Variants in WDPCP observed in about 807,000 individuals in gnomAD.
The protein encoded by WDPCP is WD repeat-containing and planar cell polarity effector protein fritz homolog.
In WDPCP, 71 loss-of-function variants were observed where a neutral mutation model predicts 93.1. The ratio of observed to expected loss-of-function variants is 0.76; its 90% CI spans 0.63 to 0.93. The LOEUF (loss-of-function observed/expected upper bound fraction) is 0.93, where lower values mean the gene tolerates loss of function less well. Among genes scored for constraint, WDPCP ranks in the 40% least tolerant of loss-of-function variants. The pLI, the probability that WDPCP is intolerant of heterozygous loss-of-function variation, is 0.00. For synonymous variants in WDPCP, 315 were observed against 315.0 expected (o/e 1.00, Z 0.00); for missense variants, 844 against 887.4 (o/e 0.95, Z 0.62).
At chr2:63,252,833 T>A (rs1450607806) in intron 14 of WDPCP, among the ~76,000 whole-genome samples, 1 of 152,228 alleles carries the variant, frequency 6.6e-6, no homozygotes, top group Non-Finnish European at 1.5e-5. Flanking sequence ...ATGTCCATAC[T>A]GCCCAAAGCA....
intron 2 of WDPCP, among the ~76,000 whole-genome samples, chr2:63,703,166 G>C (rs938073789): frequency 5.3e-5 from 8 of 152,086 alleles, no homozygotes; most frequent in African/African-American, 1.7e-4. Context: ...ATTGTGAATA[G>C]TGCTGCAATA....
At chr2:63,194,233 G>C (rs1331946117) in intron 14 of WDPCP, among the ~76,000 whole-genome samples, 1 of 151,918 alleles carries the variant, frequency 6.6e-6, no homozygotes, top group Non-Finnish European at 1.5e-5. Flanking sequence ...AGAACTAGAA[G>C]AAGGCAAGAG....
chr2:63,183,509 A>G (rs976322058), intron 14 of WDPCP, among the ~76,000 whole-genome samples: 3 of 152,038 alleles, frequency 2.0e-5, no homozygotes, highest in African/African-American at 4.8e-5. Flanking sequence ...TATGATTTCA[A>G]TTTTTAAAAA....
chr2:63,613,390 G>A (rs1709636493), intron 3 of WDPCP, among the ~76,000 whole-genome samples: 1 of 152,248 alleles, frequency 6.6e-6, no homozygotes, highest in African/African-American at 2.4e-5. Context: ...GATGGCTCCA[G>A]CCTGATGAAA....
intron 1 of WDPCP, among the ~76,000 whole-genome samples, chr2:63,582,721 A>G (rs1286695650): frequency 2.6e-5 from 4 of 152,172 alleles, no homozygotes; most frequent in Non-Finnish European, 5.9e-5. Flanking sequence ...TAAAGATGAT[A>G]GTAGATTTTT....
At chr2:63,760,753 TCTGA>T (rs1041255163) in intron 2 of WDPCP, among the ~76,000 whole-genome samples, 7 of 152,192 alleles carry the variant, frequency 4.6e-5, no homozygotes, top group African/African-American at 1.7e-4. Context: ...GTCACTTCTC[TCTGA>T]CTAACACTGT....
chr2:63,157,365 C>CT (rs552239910), intron 15 of WDPCP, among the ~76,000 whole-genome samples: 1 of 151,520 alleles, frequency 6.6e-6, no homozygotes, highest in Non-Finnish European at 1.5e-5. Flanking sequence ...TGCTTGATAT[C>CT]TTTTTTTGTA....
At chr2:63,245,246 C>T (rs982291057) in intron 14 of WDPCP, among the ~76,000 whole-genome samples, 1 of 152,106 alleles carries the variant, frequency 6.6e-6, no homozygotes, top group African/African-American at 2.4e-5. Context: ...CCCCATGATA[C>T]CCTGCATAAG....
chr2:63,797,758 T>C (rs558510575), intron 2 of WDPCP, among the ~76,000 whole-genome samples: 2 of 151,762 alleles, frequency 1.3e-5, no homozygotes, highest in East Asian at 3.9e-4. Flanking sequence ...GAATAGAAGG[T>C]TTACTCAAAG....
chr2:63,445,075 G>T (rs1697758218), intron 6 of WDPCP, among the ~76,000 whole-genome samples: 1 of 152,016 alleles, frequency 6.6e-6, no homozygotes, highest in African/African-American at 2.4e-5. Flanking sequence ...TGAGGGAAAT[G>T]AGAAAATTAT....
chr2:63,800,551 A>C (rs1400709288), intron 2 of WDPCP, among the ~76,000 whole-genome samples: 2 of 152,210 alleles, frequency 1.3e-5, no homozygotes, highest in Non-Finnish European at 2.9e-5. Flanking sequence ...TGTTGGAAAG[A>C]TTACTGCCCA....
chr2:63,410,265 A>G (rs1393672944), intron 9 of WDPCP, among the ~76,000 whole-genome samples: 1 of 152,222 alleles, frequency 6.6e-6, no homozygotes, highest in African/African-American at 2.4e-5. Context: ...ATCCATTGAA[A>G]CTAAGTATCA....
intron 2 of WDPCP, among the ~76,000 whole-genome samples, chr2:63,808,744 A>G (rs552400744): frequency 1.3e-5 from 2 of 152,296 alleles, no homozygotes; most frequent in African/African-American, 4.8e-5. Context: ...CCGAGATTGC[A>G]GCCTCTGCCT....
Position 63,276,758 on chromosome 2 carries a change from G to T in WDPCP, c.1813-17349C>A, listed in dbSNP as rs559549680. On this transcript the variant is annotated intron_variant, in intron 13 of 17. Transcript: ENST00000272321. Reference sequence around the variant, plus strand: ...AAGTGTCCAAACCTAAGAATAATTGGTGTACCCAAGGAAGAAGAGAAATCT... The same window carrying T: ...AAGTGTCCAAACCTAAGAATAATTGTTGTACCCAAGGAAGAAGAGAAATCT... 2.6e-5 allele frequency among the ~76,000 whole-genome samples: 4 copies of T among 152,298 alleles called. No homozygotes were observed. In the South Asian group the frequency reaches 8.3e-4, roughly 32 times the overall value.
chr2:63,179,286 C>T (rs1674057032), intron 14 of WDPCP, among the ~76,000 whole-genome samples: 1 of 151,448 alleles, frequency 6.6e-6, no homozygotes, highest in African/African-American at 2.4e-5. Flanking sequence ...GCAGGCTATA[C>T]ATGCATGATG....
At chr2:63,474,968 C>T (rs992540117) in intron 6 of WDPCP, among the ~76,000 whole-genome samples, 2 of 151,996 alleles carry the variant, frequency 1.3e-5, no homozygotes, top group Non-Finnish European at 2.9e-5. Context: ...CTTTGGGCTT[C>T]TCTGTGTTTT....
intron 13 of WDPCP, among the ~76,000 whole-genome samples, chr2:63,279,849 CCCT>C (rs1683387932): frequency 6.6e-6 from 1 of 151,840 alleles, no homozygotes. Flanking sequence ...AGAACTCAAC[CCCT>C]TTTACAACAG....
At chr2:63,354,365 G>T (rs1368674475) in intron 12 of WDPCP, among the ~76,000 whole-genome samples, 1 of 152,180 alleles carries the variant, frequency 6.6e-6, no homozygotes, top group Non-Finnish European at 1.5e-5. Context: ...CTGCCTCCAA[G>T]TTGGGGAAGG....
At chr2:63,573,456 A>T (rs2106486577) in intron 1 of WDPCP, among the ~76,000 whole-genome samples, 1 of 152,314 alleles carries the variant, frequency 6.6e-6, no homozygotes, top group East Asian at 1.9e-4. Flanking sequence ...GCAATCTCTG[A>T]CCATAAATTG....
Sources: gnomAD v4.1 joint callset for allele counts (sites outside exome capture counted in the v4.1 genomes callset) on GRCh38, gnomAD v4.1.1 for gene constraint, MANE v1.5 for transcripts, NCBI Gene and HGNC (gene_info 2026-07-23, HGNC 2026-07-21) for gene names.